PRKN: variants seen among roughly 807,000 people sequenced by gnomAD.
PRKN encodes E3 ubiquitin-protein ligase parkin.
In PRKN, 56 loss-of-function variants were observed where a neutral mutation model predicts 59.5. The ratio of observed to expected loss-of-function variants is 0.94; its 90% CI spans 0.76 to 1.18. The LOEUF (loss-of-function observed/expected upper bound fraction) is 1.18. Ranked by LOEUF, PRKN falls within the 50% of genes most tolerant of loss-of-function variation. The pLI, the probability that PRKN is intolerant of heterozygous loss-of-function variation, is 0.00. For synonymous variants in PRKN, 250 were observed against 222.1 expected, an observed-to-expected ratio of 1.13 and a Z score of -1.12; for missense variants, 657 against 596.4, an observed-to-expected ratio of 1.10 and a Z score of -1.06.
intron 3 of PRKN, among the ~76,000 whole-genome samples, chr6:162,235,977 G>GAAAGAAAGAAAGAAAGAA (rs1778675311): frequency 2.7e-5 from 3 of 111,600 alleles, no homozygotes; most frequent in African/African-American, 1.3e-4. Context: ...AAGAAAGAAA[G>GAAAGAAAGAAAGAAAGAA]AAAGAAAGAA....
intron 6 of PRKN, among the ~76,000 whole-genome samples, chr6:161,871,410 G>T (rs1794337289): frequency 6.6e-6 from 1 of 152,108 alleles, no homozygotes; most frequent in South Asian, 2.1e-4. Flanking sequence ...AGAAACTTGT[G>T]TTACTATTGC....
chr6:162,188,605 G>A (rs543626441), intron 4 of PRKN, among the ~76,000 whole-genome samples: 96 of 152,112 alleles, frequency 6.3e-4, no homozygotes, highest in Non-Finnish European at 1.2e-3. Flanking sequence ...CATACCTTTC[G>A]TGGCTCCAAC....
At chr6:162,570,239 TCAAAACTA>T (rs1233847677) in intron 1 of PRKN, among the ~76,000 whole-genome samples, 14 of 152,124 alleles carry the variant, frequency 9.2e-5, no homozygotes, top group African/African-American at 3.4e-4. Flanking sequence ...GAAAGGCGAA[TCAAAACTA>T]CAATGAGCTA....
chr6:161,910,248 T>G (rs1778305464), intron 6 of PRKN, among the ~76,000 whole-genome samples: 1 of 152,004 alleles, frequency 6.6e-6, no homozygotes. Flanking sequence ...CAACAGAGGA[T>G]TTTTTGTTTG....
rs1562442989 is a variant in PRKN at position 161,429,807 on chromosome 6, A to G, written c.1084-42930T>C. Among the ~76,000 whole-genome samples, 2 of 152,152 alleles carry G rather than the reference A, an allele frequency of 1.3e-5. No individual in the cohort carries two copies. The highest frequency in any genetic ancestry group is 2.1e-4 in the South Asian group (1 of 4,834). On this transcript the variant is annotated intron_variant, in intron 9 of 11. Coordinates refer to ENST00000366898, the MANE Select transcript of PRKN (RefSeq NM_004562.3). The surrounding 1 kb of genome is among the most constrained non-coding windows in gnomAD (Gnocchi z 4.2). Reference sequence around the variant, plus strand: ...GATACCTGGAAATATTCATGGCTCCAGGTAGCTACCAAGAGAAGACTTCAT... The same window carrying G: ...GATACCTGGAAATATTCATGGCTCCGGGTAGCTACCAAGAGAAGACTTCAT...
chr6:162,603,485 G>A lies in PRKN; in HGVS notation c.7+124177C>T, dbSNP rs148743668. On this transcript the variant is annotated intron_variant, in intron 1 of 11. Transcript: ENST00000366898. Reference sequence around the variant, plus strand: ...ATGTTGTCTTTGACTGCCTTTGCATGAGAGCATCTGACCTGAGTAGATGGG... The same window carrying A: ...ATGTTGTCTTTGACTGCCTTTGCATAAGAGCATCTGACCTGAGTAGATGGG... 7.1e-4 allele frequency among the ~76,000 whole-genome samples: 108 copies of A among 152,274 alleles called. No homozygotes were observed. The East Asian group carries it at 0.01, about 14-fold the overall frequency.
chr6:161,491,399 C>T (rs1777551713), intron 9 of PRKN, among the ~76,000 whole-genome samples: 2 of 152,138 alleles, frequency 1.3e-5, no homozygotes, highest in African/African-American at 4.8e-5. Flanking sequence ...GGCTGAACAT[C>T]GTTTGTTGGG....
Position 161,463,710 on chromosome 6 carries a change from C to A in PRKN, c.1084-76833G>T, listed in dbSNP as rs756415984. ...CTGGAAAGACTTGGCTGAAACTCAGCCCCAGCTAAAGCAACATCAGAACTG... is the reference window on the plus strand; with the variant it reads ...CTGGAAAGACTTGGCTGAAACTCAGACCCAGCTAAAGCAACATCAGAACTG... On this transcript the variant is annotated intron_variant, in intron 9 of 11. Transcript: ENST00000366898. The surrounding 1 kb of genome is among the most constrained non-coding windows in gnomAD (Gnocchi z 4.8). Among the ~76,000 whole-genome samples the A allele has an allele frequency of 1.3e-5, 2 of 152,152 alleles. No individual in the cohort carries two copies. The highest frequency in any genetic ancestry group is 2.9e-5 in the Non-Finnish European group (2 of 68,038).
At chr6:161,389,342 C>A (rs1277244818) in intron 9 of PRKN, among the ~76,000 whole-genome samples, 1 of 152,200 alleles carries the variant, frequency 6.6e-6, no homozygotes. Context: ...AGGAAACAAT[C>A]TCTTCAGAGA....
intron 2 of PRKN, among the ~76,000 whole-genome samples, chr6:162,412,757 T>C (rs1024362000): frequency 6.6e-6 from 1 of 152,110 alleles, no homozygotes; most frequent in African/African-American, 2.4e-5. Flanking sequence ...AAGAAAAAAA[T>C]TGAGCTTGAG....
chr6:161,629,078 C>T (rs934803396), intron 7 of PRKN, among the ~76,000 whole-genome samples: 3 of 152,092 alleles, frequency 2.0e-5, no homozygotes, highest in African/African-American at 4.8e-5. Flanking sequence ...CGAGGAATGG[C>T]GTCTTCGTGG....
At chr6:162,274,168 T>TTAATTA (rs1562631846) in intron 2 of PRKN, among the ~76,000 whole-genome samples, 5 of 151,512 alleles carry the variant, frequency 3.3e-5, no homozygotes, top group African/African-American at 1.2e-4. Flanking sequence ...TTAATTAATT[T>TTAATTA]ATTAATTTAT....
At chr6:161,861,442 G>T (rs1193366224) in intron 6 of PRKN, among the ~76,000 whole-genome samples, 1 of 152,128 alleles carries the variant, frequency 6.6e-6, no homozygotes, top group East Asian at 1.9e-4. Context: ...GGGGGTAAAG[G>T]CAGGGAGAGC....
At chr6:162,026,409 G>A (rs1783437352) in intron 5 of PRKN, among the ~76,000 whole-genome samples, 1 of 152,148 alleles carries the variant, frequency 6.6e-6, no homozygotes, top group South Asian at 2.1e-4. Flanking sequence ...CAGAATGTAG[G>A]TCCTGTAACC....
rs1208455316 is a variant in PRKN at position 162,581,204 on chromosome 6, G to A, written c.8-137731C>T. Among the ~76,000 whole-genome samples the A allele has an allele frequency of 2.0e-5, 3 of 152,166 alleles. No homozygotes were observed. In the South Asian group the frequency reaches 6.2e-4, roughly 31 times the overall value. ...AGAATACCAAGCATCTGAGATATAG[G>A]AGGTTAAGTGAAGGTCAAAAGAGAC... On this transcript the variant is annotated intron_variant, in intron 1 of 11. Transcript: ENST00000366898.
At chr6:162,347,791 T>C (rs538940547) in intron 2 of PRKN, among the ~76,000 whole-genome samples, 1 of 152,324 alleles carries the variant, frequency 6.6e-6, no homozygotes, top group Admixed American at 6.5e-5. Context: ...ATTCATATTT[T>C]TTTGGTAATT....
chr6:162,643,400 A>AAAAAC (rs963947308), intron 1 of PRKN, among the ~76,000 whole-genome samples: 2 of 148,790 alleles, frequency 1.3e-5, no homozygotes, highest in Admixed American at 6.8e-5. Flanking sequence ...TCTGCCTCAA[A>AAAAAC]AAAAAAAAAA....
intron 1 of PRKN, among the ~76,000 whole-genome samples, chr6:162,469,213 C>T (rs1338724503): frequency 1.3e-5 from 2 of 151,958 alleles, no homozygotes; most frequent in African/African-American, 4.8e-5. Flanking sequence ...TTTGAAGGCA[C>T]GCACCACACT....
rs555747486 is a variant in PRKN at position 161,568,390 on chromosome 6, G to A, written c.933+965C>T. 3.6e-4 allele frequency among the ~76,000 whole-genome samples: 55 copies of A among 152,234 alleles called. No individual in the cohort carries two copies. In the East Asian group the frequency reaches 4.4e-3, roughly 12 times the overall value. On this transcript the variant is annotated intron_variant, in intron 8 of 11. Coordinates refer to ENST00000366898, the MANE Select transcript of PRKN (RefSeq NM_004562.3). ...AGGCGGATCATGACGTCAGGAAATC[G>A]AAACCATCCTGGCTAACACGGTGAA...
Sources: gnomAD v4.1 joint callset for allele counts (sites outside exome capture counted in the v4.1 genomes callset) on GRCh38, gnomAD v4.1.1 for gene constraint, Gnocchi (gnomAD v3.1) non-coding constraint, MANE v1.5 for transcripts, NCBI Gene and HGNC (gene_info 2026-07-23, HGNC 2026-07-21) for gene names.